Variants in SMG6 observed in about 807,000 individuals in gnomAD.
The protein encoded by SMG6 is telomerase-binding protein EST1A.
In SMG6, 66 loss-of-function variants were observed where a neutral mutation model predicts 142.2. The observed-to-expected ratio is 0.46, with a 90% CI of 0.38 to 0.57. SMG6 has a LOEUF of 0.57. SMG6 is among the 20% of genes least tolerant of loss of function. SMG6 has a pLI of 0.00. For synonymous variants in SMG6, 779 were observed against 702.4 expected (o/e 1.11, Z -1.72); for missense variants, 1,793 against 1,832.0 (o/e 0.98, Z 0.39).
chr17:2,122,953 C>T (rs1308412376), intron 13 of SMG6, among the ~76,000 whole-genome samples: 1 of 152,236 alleles, frequency 6.6e-6, no homozygotes, highest in Admixed American at 6.5e-5. Flanking sequence ...GCTCCTACCA[C>T]ATGAGGGGTG....
chr17:2,253,290 T>C (rs908107791), intron 8 of SMG6, among the ~76,000 whole-genome samples: 3 of 152,074 alleles, frequency 2.0e-5, no homozygotes, highest in Admixed American at 6.5e-5. Context: ...TACAGGCGCC[T>C]GCCACTACGC....
intron 13 of SMG6, among the ~76,000 whole-genome samples, chr17:2,099,701 C>A (rs998028271): frequency 6.6e-6 from 1 of 152,198 alleles, no homozygotes; most frequent in Non-Finnish European, 1.5e-5. Context: ...ACTAGCCTAT[C>A]CATAGCTCGG....
intron 13 of SMG6, among the ~76,000 whole-genome samples, chr17:2,096,752 GGC>G (rs1567594957): frequency 6.9e-6 from 1 of 145,508 alleles, no homozygotes; most frequent in African/African-American, 2.8e-5. Flanking sequence ...AGACATCCTG[GGC>G]ACACAAGACA....
chr17:2,117,097 A>T (rs943060299), intron 13 of SMG6, among the ~76,000 whole-genome samples: 9 of 145,506 alleles, frequency 6.2e-5, no homozygotes, highest in African/African-American at 2.0e-4. Context: ...TGGCTTTTAA[A>T]TTTTTTTTTT....
chr17:2,215,446 G>A (rs2072988036), intron 10 of SMG6: 3 of 152,218 alleles, frequency 2.0e-5, no homozygotes, highest in South Asian at 2.1e-4. Context: ...AAGAGGAAAC[G>A]AGACAGACAT....
At chr17:2,205,653 AG>A (rs1036014904) in intron 10 of SMG6, among the ~76,000 whole-genome samples, 1 of 152,200 alleles carries the variant, frequency 6.6e-6, no homozygotes, top group African/African-American at 2.4e-5. Flanking sequence ...ATTATTAGAA[AG>A]GAATAAGTAT....
At chr17:2,172,887 A>G in intron 12 of SMG6, 28 bp from the exon 13 acceptor site, 1 of 1,599,202 alleles carries the variant, frequency 6.3e-7, no homozygotes, top group South Asian at 1.1e-5. Context: ...AGAAAAGAGC[A>G]GCTCTAAAGA....
chr17:2,289,941 CAT>C (rs3055883), intron 6 of SMG6, among the ~76,000 whole-genome samples: 69,840 of 141,370 alleles, frequency 0.49, 17,220 homozygotes, highest in East Asian at 0.57. Flanking sequence ...TTATTTTATA[CAT>C]ATATATATAT....
intron 12 of SMG6, among the ~76,000 whole-genome samples, chr17:2,185,733 C>T (rs755467410): frequency 2.7e-5 from 4 of 149,808 alleles, no homozygotes; most frequent in Non-Finnish European, 5.9e-5. Context: ...AAGACGGAAA[C>T]GAGGGCGAGG....
At chr17:2,282,550 A>C (rs2074811940) in intron 8 of SMG6, 97 bp downstream of exon 8, 2 of 1,212,928 alleles carry the variant, frequency 1.6e-6, no homozygotes, top group South Asian at 2.5e-5. Context: ...TCTTCCTTGC[A>C]ATCAGTGGGA....
At position 2,085,422 on chromosome 17, in the gene SMG6, C is replaced by T. The variant is rs146295142; in HGVS notation, c.3534+303G>A. On this transcript the variant is annotated intron_variant, in intron 14 of 18. Transcript: ENST00000263073. The surrounding 1 kb of genome is among the most constrained non-coding windows in gnomAD (Gnocchi z 4.1). Reference sequence around the variant, plus strand: ...TCTATAAACTTGATCCTGACCACCCCCCTCTCCCTTTCCTAAGCCTCGAGA... The same window carrying T: ...TCTATAAACTTGATCCTGACCACCCTCCTCTCCCTTTCCTAAGCCTCGAGA... 2.0e-5 allele frequency among the ~76,000 whole-genome samples: 3 copies of T among 152,148 alleles called. No individual in the cohort carries two copies. The highest frequency in any genetic ancestry group is 1.3e-4 in the Admixed American group (2 of 15,274).
chr17:2,112,053 A>G (rs2069336555), intron 13 of SMG6, among the ~76,000 whole-genome samples: 2 of 152,140 alleles, frequency 1.3e-5, no homozygotes, highest in Admixed American at 6.5e-5. Flanking sequence ...AATTTCTTAC[A>G]GAAGTGCCAA....
intron 13 of SMG6, among the ~76,000 whole-genome samples, chr17:2,112,970 C>T (rs1284324700): frequency 6.6e-6 from 1 of 152,036 alleles, no homozygotes; most frequent in African/African-American, 2.4e-5. Flanking sequence ...GTTAACCAGG[C>T]TGGTCTTGAC....
chr17:2,278,031 G>C (rs894645746), intron 8 of SMG6, among the ~76,000 whole-genome samples: 1 of 152,042 alleles, frequency 6.6e-6, no homozygotes, highest in Non-Finnish European at 1.5e-5. Context: ...CTGGGAAACA[G>C]AGGGAGATCC....
chr17:2,239,568 A>T (rs1334255059), intron 9 of SMG6, among the ~76,000 whole-genome samples: 2 of 152,216 alleles, frequency 1.3e-5, no homozygotes. Flanking sequence ...AGCAATAGAA[A>T]AAAAGTGTGT....
At chr17:2,080,349 T>A (rs1483214619) in intron 15 of SMG6, among the ~76,000 whole-genome samples, 2 of 150,502 alleles carry the variant, frequency 1.3e-5, no homozygotes, top group Non-Finnish European at 3.0e-5. Context: ...ACCCGGGAGG[T>A]GGAGGTTGGA....
At chr17:2,161,447 T>A (rs2071177484) in intron 13 of SMG6, among the ~76,000 whole-genome samples, 2 of 150,842 alleles carry the variant, frequency 1.3e-5, no homozygotes, top group African/African-American at 4.9e-5. Flanking sequence ...TCTCACACAC[T>A]GTCACCCGGG....
intron 6 of SMG6, among the ~76,000 whole-genome samples, chr17:2,286,787 G>A (rs77581619): frequency 0.023 from 3,524 of 152,078 alleles, 55 homozygotes; most frequent in East Asian, 0.074. Flanking sequence ...CTTGTGCATC[G>A]AAAGATATTC....
At chr17:2,065,292 G>A in intron 17 of SMG6, 138 bp from the exon 18 acceptor site, 6 of 981,894 alleles carry the variant, frequency 6.1e-6, no homozygotes, top group South Asian at 1.5e-5. Context: ...GGCCCTGCCT[G>A]GCCTGATCTG....
Sources: gnomAD v4.1 joint callset for allele counts (sites outside exome capture counted in the v4.1 genomes callset) on GRCh38, gnomAD v4.1.1 for gene constraint, Gnocchi (gnomAD v3.1) non-coding constraint, MANE v1.5 for transcripts, NCBI Gene and HGNC (gene_info 2026-07-23, HGNC 2026-07-21) for gene names.